The following KCND2 variants were observed in gnomAD, a reference collection of about 807,000 sequenced individuals.
KCND2 encodes the protein potassium voltage-gated channel subfamily D member 2, also known as A-type voltage-gated potassium channel KCND2.
KCND2 carries 16 observed loss-of-function variants against 54.4 expected under a neutral mutation model. The ratio of observed to expected loss-of-function variants is 0.29; its 90% CI spans 0.20 to 0.45. The LOEUF is 0.45. Ranked by LOEUF, KCND2 falls within the 20% of genes least tolerant of loss-of-function variation. KCND2 has a pLI of 1.00. For missense variants in KCND2, 486 were observed against 824.2 expected (o/e 0.59, Z 5.02); for synonymous variants, 317 against 310.7 (o/e 1.02, Z -0.21).
chr7:120,414,921 A>G (rs929651336), intron 1 of KCND2, among the ~76,000 whole-genome samples: 3 of 152,208 alleles, frequency 2.0e-5, no homozygotes, highest in Admixed American at 6.5e-5. Context: ...CTTAGATTAC[A>G]TGGATCATCA....
rs59756091 is a variant in KCND2, at chr7:120,351,365, T to TAC, written c.1115+75665_1115+75666dup. On this transcript the variant is annotated intron_variant, in intron 1 of 5. Coordinates refer to ENST00000331113, the MANE Select transcript of KCND2 (RefSeq NM_012281.3). ...ATCATCTCAAAAAAATCGAAGAGCATACACACACACACACACACACACACA... is the reference window on the plus strand; with the variant it reads ...ATCATCTCAAAAAAATCGAAGAGCATACACACACACACACACACACACACACA... Among the ~76,000 whole-genome samples the TAC allele has an allele frequency of 4.4e-3, 418 of 94,776 alleles. 3 individuals carry two copies. Among genetic ancestry groups the TAC allele is most frequent in the African/African-American group, 0.014 (379 of 27,200 alleles). The allele number at this position is 94,776 out of a possible 152,430, so 62.2% of individuals were successfully genotyped here.
At chr7:120,518,297 T>G (rs759722291) in intron 1 of KCND2, among the ~76,000 whole-genome samples, 2 of 152,182 alleles carry the variant, frequency 1.3e-5, no homozygotes, top group Admixed American at 6.6e-5. Flanking sequence ...GACTATATAG[T>G]GTTAAGTCAC....
Position 120,747,929 on chromosome 7 carries a change from G to A in KCND2, c.*71G>A. On this transcript the variant is annotated 3_prime_UTR_variant, in exon 6 of 6. Coordinates refer to ENST00000331113, the MANE Select transcript of KCND2 (RefSeq NM_012281.3). ...AAGAATCTCAACATAGAAGAAAGAA[G>A]AAACAATAAATATTCTGCAGATTAA... 8.3e-7 allele frequency: 1 copy of A among 1,211,150 alleles called. No homozygotes were observed. The highest frequency in any genetic ancestry group is 1.2e-6 in the Non-Finnish European group (1 of 834,284). 75.0% of individuals were successfully genotyped at this position (1,211,150 alleles called of 1,614,324 possible). A position where few individuals can be genotyped will look rare whatever the true frequency, so the allele number is the denominator to read the frequency against.
rs73721410 is a variant in KCND2 at position 120,523,086 on chromosome 7, G to T, written c.1116-209817G>T. Among the ~76,000 whole-genome samples the T allele has an allele frequency of 7.0e-3, 1,070 of 152,246 alleles. 12 individuals are homozygous for T. Among genetic ancestry groups the T allele is most frequent in the African/African-American group, 0.024 (1,012 of 41,548 alleles). On this transcript the variant is annotated intron_variant, in intron 1 of 5. Transcript: ENST00000331113. ...TGTTTCCAGTTAATCAAATTTTGCAGTTTTAAATATTTGTAGAAGGTTACC... is the reference window on the plus strand; with the variant it reads ...TGTTTCCAGTTAATCAAATTTTGCATTTTTAAATATTTGTAGAAGGTTACC...
At chr7:120,620,602 T>A (rs956025097) in intron 1 of KCND2, among the ~76,000 whole-genome samples, 1 of 152,134 alleles carries the variant, frequency 6.6e-6, no homozygotes, top group Non-Finnish European at 1.5e-5. Context: ...ATTTAGAAAA[T>A]GATTTTAAGA....
chr7:120,383,377 A>T (rs564980019), intron 1 of KCND2, among the ~76,000 whole-genome samples: 1 of 152,164 alleles, frequency 6.6e-6, no homozygotes, highest in East Asian at 1.9e-4. Flanking sequence ...TTATTTGAAC[A>T]AATTACTTAA....
At chr7:120,589,244 AC>A (rs1218915318) in intron 1 of KCND2, among the ~76,000 whole-genome samples, 7 of 152,264 alleles carry the variant, frequency 4.6e-5, no homozygotes, top group Non-Finnish European at 8.8e-5. Context: ...ATAAATGTGT[AC>A]TAGGATATGA....
At chr7:120,604,809 T>C (rs1260511299) in intron 1 of KCND2, among the ~76,000 whole-genome samples, 1 of 152,066 alleles carries the variant, frequency 6.6e-6, no homozygotes, top group Non-Finnish European at 1.5e-5. Flanking sequence ...ATGTAAGAAC[T>C]ATAAAAAGAA....
chr7:120,440,997 A>G (rs1277840316), intron 1 of KCND2, among the ~76,000 whole-genome samples: 2 of 152,006 alleles, frequency 1.3e-5, no homozygotes, highest in Non-Finnish European at 2.9e-5. Flanking sequence ...TCTAATACCC[A>G]CACAGATGTG....
chr7:120,303,710 C>A (rs941707966), intron 1 of KCND2, among the ~76,000 whole-genome samples: 2 of 152,112 alleles, frequency 1.3e-5, no homozygotes, highest in African/African-American at 4.8e-5. Context: ...CCTAATCATC[C>A]TTATGTGGGT....
At chr7:120,557,038 A>G (rs1010776697) in intron 1 of KCND2, among the ~76,000 whole-genome samples, 2 of 152,196 alleles carry the variant, frequency 1.3e-5, no homozygotes, top group Non-Finnish European at 2.9e-5. Flanking sequence ...CGAACTTTGT[A>G]GGATGGCTGC....
At chr7:120,406,162 A>G (rs1434133888) in intron 1 of KCND2, among the ~76,000 whole-genome samples, 3 of 152,020 alleles carry the variant, frequency 2.0e-5, no homozygotes, top group African/African-American at 2.4e-5. Flanking sequence ...TGGCCTACCA[A>G]TCGTTAAATA....
intron 1 of KCND2, among the ~76,000 whole-genome samples, chr7:120,502,305 T>C (rs1004767795): frequency 6.6e-6 from 1 of 152,024 alleles, no homozygotes; most frequent in Non-Finnish European, 1.5e-5. Flanking sequence ...AAGCTTTCAC[T>C]CCTTTCTTTC....
intron 1 of KCND2, among the ~76,000 whole-genome samples, chr7:120,372,208 A>G (rs996077621): frequency 2.0e-5 from 3 of 151,860 alleles, no homozygotes; most frequent in Non-Finnish European, 4.4e-5. Flanking sequence ...TATAAGTGTA[A>G]TTTACTCTCT....
intron 1 of KCND2, among the ~76,000 whole-genome samples, chr7:120,455,940 C>T (rs1331349203): frequency 6.6e-6 from 1 of 152,156 alleles, no homozygotes; most frequent in African/African-American, 2.4e-5. Context: ...AACAAACCTA[C>T]ACATATACCC....
intron 1 of KCND2, among the ~76,000 whole-genome samples, chr7:120,636,106 T>C (rs1167692004): frequency 6.6e-6 from 1 of 152,192 alleles, no homozygotes; most frequent in Non-Finnish European, 1.5e-5. Flanking sequence ...ATTCTGTAGA[T>C]TGATGGGTTT....
chr7:120,318,443 C>T (rs2116326255), intron 1 of KCND2, among the ~76,000 whole-genome samples: 1 of 152,146 alleles, frequency 6.6e-6, no homozygotes, highest in African/African-American at 2.4e-5. Flanking sequence ...TGAATTGGGG[C>T]ACTCATAATG....
At chr7:120,680,074 C>T (rs889928147) in intron 1 of KCND2, among the ~76,000 whole-genome samples, 1 of 152,060 alleles carries the variant, frequency 6.6e-6, no homozygotes, top group Non-Finnish European at 1.5e-5. Flanking sequence ...GAATAGTTGT[C>T]ACCTACAAGA....
intron 1 of KCND2, among the ~76,000 whole-genome samples, chr7:120,280,855 AAGGAATAC>A: frequency 6.6e-6 from 1 of 152,200 alleles, no homozygotes; most frequent in Admixed American, 6.5e-5. Flanking sequence ...GGGATAAGAG[AAGGAATAC>A]ATTTGCTATT....
Sources: allele counts gnomAD v4.1 joint callset (sites outside exome capture counted in the v4.1 genomes callset), GRCh38; gene constraint gnomAD v4.1.1; transcripts MANE v1.5; gene names NCBI Gene and HGNC (gene_info 2026-07-23, HGNC 2026-07-21).